NAA20: variants seen among roughly 807,000 people sequenced by gnomAD.
NAA20 encodes N-alpha-acetyltransferase 20.
Under a neutral mutation model 23.8 loss-of-function variants are expected in NAA20, and 24 were observed. The observed-to-expected ratio is 1.01, with a 90% confidence interval of 0.73 to 1.42. NAA20 has a LOEUF of 1.42. Among genes scored for constraint, NAA20 ranks in the 40% most tolerant of loss-of-function variants. The pLI is 0.00. For missense variants in NAA20, 166 were observed against 223.1 expected, an observed-to-expected ratio of 0.74 and a Z score of 1.63; for synonymous variants, 83 against 77.7, an observed-to-expected ratio of 1.07 and a Z score of -0.36.
chr20:20,030,686 T>C (rs1265789370), intron 4 of NAA20, among the ~76,000 whole-genome samples: 2 of 151,560 alleles, frequency 1.3e-5, no homozygotes, highest in Non-Finnish European at 2.9e-5. Context: ...ATAAAGTCAG[T>C]ATAAAAATCA....
At chr20:20,023,390 C>T (rs1279254616) in intron 2 of NAA20, among the ~76,000 whole-genome samples, 1 of 151,776 alleles carries the variant, frequency 6.6e-6, no homozygotes, top group Non-Finnish European at 1.5e-5. Flanking sequence ...GCACCTGTTT[C>T]ATGCTTCACC....
chr20:20,018,134 C>T lies in NAA20; in HGVS notation c.53+685C>T, dbSNP rs138387796. On this transcript the variant is annotated intron_variant, in intron 1 of 5. Transcript: ENST00000334982. Reference sequence around the variant, plus strand: ...GTCACGGCAGATCTTAGGGGAGGCTCGCTGTGCCCAGAGCCCTGGATGCAG... The same window carrying T: ...GTCACGGCAGATCTTAGGGGAGGCTTGCTGTGCCCAGAGCCCTGGATGCAG... 1.8e-4 allele frequency: 288 copies of T among 1,574,118 alleles called. 1 individual carries two copies. In the African/African-American group the frequency reaches 2.9e-3, roughly 16 times the overall value.
At chr20:20,020,841 G>A (rs1248488003) in intron 1 of NAA20, among the ~76,000 whole-genome samples, 7 of 152,146 alleles carry the variant, frequency 4.6e-5, no homozygotes, top group Non-Finnish European at 1.0e-4. Context: ...TTCAAGAGGA[G>A]CTGATGGCTC....
Position 20,017,368 on chromosome 20 carries a change from G to C in NAA20, c.-29G>C. The C allele has an allele frequency of 6.2e-7, 1 of 1,610,634 alleles. No individual in the cohort carries two copies. ...GGCAGGGCGGGCGCGGGGTCTTGGC[G>C]AACGGTCTTCGGAAGCGGCGGCGGC... On this transcript the variant is annotated 5_prime_UTR_variant, in exon 1 of 6. Coordinates refer to ENST00000334982, the MANE Select transcript of NAA20 (RefSeq NM_016100.5).
intron 4 of NAA20, among the ~76,000 whole-genome samples, chr20:20,027,751 AT>A (rs11367808): frequency 0.11 from 15,086 of 139,470 alleles, 2,259 homozygotes; most frequent in African/African-American, 0.34. Context: ...CCAGCATGGC[AT>A]TTTTTTTTTT....
intron 2 of NAA20, 47 bp downstream of exon 2, chr20:20,022,527 GAAT>G (rs1261839431): frequency 6.8e-7 from 1 of 1,468,988 alleles, no homozygotes. Context: ...GATTTACTGA[GAAT>G]AAAGAAAACA....
At chr20:20,028,661 G>A (rs569343361) in intron 4 of NAA20, among the ~76,000 whole-genome samples, 1 of 151,754 alleles carries the variant, frequency 6.6e-6, no homozygotes, top group Non-Finnish European at 1.5e-5. Context: ...TCATTTGTAG[G>A]CATATATATA....
At chr20:20,017,539 C>G (rs1179893654) in intron 1 of NAA20, 90 bp downstream of exon 1, 4 of 1,503,016 alleles carry the variant, frequency 2.7e-6, no homozygotes, top group Non-Finnish European at 3.6e-6. Flanking sequence ...CCTTCCCGGC[C>G]GGACCCCAAG....
rs935958167 is a variant in NAA20 at position 20,032,753 on chromosome 20, G to A, written c.451+100G>A. On this transcript the variant is annotated intron_variant, in intron 5 of 5. Transcript: ENST00000334982. ...TTATTTTAATAAATGTAGAATATTT[G>A]ACTTTAAAATTTAAATTTCCCTCAA... is the stretch of plus-strand genomic sequence containing the variant. The A allele has an allele frequency of 1.4e-5, 19 of 1,378,192 alleles. No homozygotes were observed. The East Asian group carries it at 4.9e-4, about 36-fold the overall frequency. The allele number at this position is 1,378,192 out of a possible 1,614,324, so 85.4% of individuals were successfully genotyped here.
intron 1 of NAA20, chr20:20,017,920 C>T: frequency 6.2e-7 from 1 of 1,608,396 alleles, no homozygotes; most frequent in Non-Finnish European, 8.5e-7. Context: ...GGATCGGAAG[C>T]TGGTCAGCAG....
chr20:20,020,719 C>T (rs1203620760), intron 1 of NAA20, among the ~76,000 whole-genome samples: 1 of 152,130 alleles, frequency 6.6e-6, no homozygotes, highest in Non-Finnish European at 1.5e-5. Flanking sequence ...CTTAGGGCAT[C>T]AAGTGTTCAA....
At chr20:20,027,063 C>A in intron 4 of NAA20, 144 bp downstream of exon 4, 1 of 1,196,180 alleles carries the variant, frequency 8.4e-7, no homozygotes, top group Non-Finnish European at 1.2e-6. Flanking sequence ...AATTCTATCA[C>A]ATAGTCAAAG....
intron 4 of NAA20, 134 bp downstream of exon 4, chr20:20,027,053 A>G: frequency 2.4e-6 from 3 of 1,237,006 alleles, no homozygotes; most frequent in Non-Finnish European, 3.4e-6. Context: ...TCCTTAGAAC[A>G]ATTCTATCAC....
chr20:20,025,807 G>C (rs762333459), intron 3 of NAA20, 40 bp downstream of exon 3: 1 of 1,292,158 alleles, frequency 7.7e-7, no homozygotes, highest in Non-Finnish European at 1.1e-6. Context: ...AGTAGGTAAA[G>C]ATTTTAATAT....
intron 4 of NAA20, among the ~76,000 whole-genome samples, chr20:20,028,347 G>A (rs2043320523): frequency 6.6e-6 from 1 of 152,076 alleles, no homozygotes; most frequent in Admixed American, 6.5e-5. Flanking sequence ...GGGGGTGGGG[G>A]TCTAAGGGAG....
At chr20:20,019,596 A>AT (rs1235352124) in intron 1 of NAA20, among the ~76,000 whole-genome samples, 2 of 152,084 alleles carry the variant, frequency 1.3e-5, no homozygotes, top group Non-Finnish European at 1.5e-5. Flanking sequence ...ATTTTCTTTT[A>AT]TTTTTTGAGA....
intron 1 of NAA20, 27 bp downstream of exon 1, chr20:20,017,476 C>G: frequency 6.3e-7 from 1 of 1,589,762 alleles, no homozygotes; most frequent in South Asian, 1.1e-5. Context: ...TAGGGCCAGC[C>G]GCTCTTGGCC....
intron 1 of NAA20, chr20:20,018,129 A>T: frequency 6.3e-7 from 1 of 1,587,588 alleles, no homozygotes. Flanking sequence ...ATCTTAGGGG[A>T]GGCTCGCTGT....
At chr20:20,021,177 G>T (rs188668278) in intron 1 of NAA20, among the ~76,000 whole-genome samples, 2 of 152,254 alleles carry the variant, frequency 1.3e-5, no homozygotes, top group Admixed American at 1.3e-4. Flanking sequence ...TTCAGTCGTC[G>T]AAAGGTGTGG....
Sources: allele counts gnomAD v4.1 joint callset (sites outside exome capture counted in the v4.1 genomes callset), GRCh38; gene constraint gnomAD v4.1.1; transcripts MANE v1.5; gene names NCBI Gene and HGNC (gene_info 2026-07-23, HGNC 2026-07-21).